RBFOX1: variants seen among roughly 807,000 people sequenced by gnomAD.
The protein encoded by RBFOX1 is RNA binding fox-1 homolog 1, also known as RNA binding protein fox-1 homolog 1.
A neutral mutation model predicts 57.7 loss-of-function variants in RBFOX1; 8 were observed. That is an observed-to-expected ratio of 0.14 (90% CI 0.08 to 0.25). RBFOX1 has a LOEUF of 0.25. Ranked by LOEUF, RBFOX1 falls within the 10% of genes least tolerant of loss-of-function variation. The pLI is 1.00. For synonymous variants in RBFOX1, 326 were observed against 222.4 expected (o/e 1.47, Z -4.15); for missense variants, 611 against 548.5 (o/e 1.11, Z -1.14).
At chr16:5,877,349 G>T (rs1331287662) in intron 4 of RBFOX1, among the ~76,000 whole-genome samples, 3 of 152,216 alleles carry the variant, frequency 2.0e-5, no homozygotes, top group African/African-American at 7.2e-5. Flanking sequence ...CAAGGAGCCT[G>T]TGATCTATGA....
intron 3 of RBFOX1, among the ~76,000 whole-genome samples, chr16:6,966,548 T>G (rs8044835): frequency 0.035 from 5,252 of 152,072 alleles, 319 homozygotes; most frequent in African/African-American, 0.12. Flanking sequence ...GATCGAGTTA[T>G]GCAATGTCTT....
At chr16:6,651,102 A>T (rs1197275927) in intron 2 of RBFOX1, among the ~76,000 whole-genome samples, 2 of 152,142 alleles carry the variant, frequency 1.3e-5, no homozygotes, top group African/African-American at 4.8e-5. Flanking sequence ...GAGTTTCACC[A>T]TATTAGCCAG....
At chr16:7,215,653 T>G (rs1031795588) in intron 4 of RBFOX1, among the ~76,000 whole-genome samples, 2 of 152,082 alleles carry the variant, frequency 1.3e-5, no homozygotes, top group African/African-American at 4.8e-5. Context: ...AGATTAGCAT[T>G]TCTTCCCCCA....
chr16:5,538,397 A>G (rs2044787069), intron 2 of RBFOX1, among the ~76,000 whole-genome samples: 1 of 147,574 alleles, frequency 6.8e-6, no homozygotes, highest in Non-Finnish European at 1.5e-5. Context: ...GGGACTATGC[A>G]TGCCATAATA....
At chr16:6,641,618 C>T (rs912719716) in intron 2 of RBFOX1, among the ~76,000 whole-genome samples, 1 of 151,656 alleles carries the variant, frequency 6.6e-6, no homozygotes. Flanking sequence ...GCCTGTAATC[C>T]CAGCTACTCA....
intron 1 of RBFOX1, among the ~76,000 whole-genome samples, chr16:6,249,178 A>G (rs2097586948): frequency 6.6e-6 from 1 of 152,152 alleles, no homozygotes; most frequent in African/African-American, 2.4e-5. Flanking sequence ...GCAAAGATCA[A>G]ATGCATGACC....
At chr16:6,857,460 A>G (rs867104804) in intron 3 of RBFOX1, among the ~76,000 whole-genome samples, 4 of 152,136 alleles carry the variant, frequency 2.6e-5, no homozygotes, top group Admixed American at 6.5e-5. Flanking sequence ...TTCTATTTAC[A>G]TGGTTTATTT....
intron 3 of RBFOX1, among the ~76,000 whole-genome samples, chr16:6,881,558 C>T (rs1047745015): frequency 3.3e-5 from 5 of 152,202 alleles, no homozygotes; most frequent in African/African-American, 9.7e-5. Context: ...CATGCATACT[C>T]CTCTTCCTGT....
At chr16:7,062,445 G>A (rs1053567336) in intron 4 of RBFOX1, among the ~76,000 whole-genome samples, 2 of 152,152 alleles carry the variant, frequency 1.3e-5, no homozygotes, top group East Asian at 3.9e-4. Flanking sequence ...ATGAATCATG[G>A]GTACAGCAAG....
At chr16:7,415,048 A>T (rs1184624525) in intron 4 of RBFOX1, among the ~76,000 whole-genome samples, 1 of 152,254 alleles carries the variant, frequency 6.6e-6, no homozygotes, top group Admixed American at 6.5e-5. Flanking sequence ...TCTATACTCT[A>T]CAGCCTCTGA....
chr16:6,018,259 C>T (rs1206118551), upstream of RBFOX1, among the ~76,000 whole-genome samples: 2 of 151,140 alleles, frequency 1.3e-5, no homozygotes, highest in Non-Finnish European at 2.9e-5. Context: ...CAGAGTTTCT[C>T]ACTCCAGTCC....
chr16:6,019,353 G>C lies in RBFOX1; in HGVS notation c.-766G>C, dbSNP rs1207678312. 1 of 985,590 alleles carries C rather than the reference G, an allele frequency of 1.0e-6. No homozygotes were observed. Among genetic ancestry groups the C allele is most frequent in the Non-Finnish European group, 1.2e-6 (1 of 830,182 alleles). 61.1% of individuals were successfully genotyped at this position (985,590 alleles called of 1,614,324 possible). A position where few individuals can be genotyped will look rare whatever the true frequency, so the allele number is the denominator to read the frequency against. On this transcript the variant is annotated 5_prime_UTR_variant, in exon 1 of 16. Coordinates refer to ENST00000550418, the MANE Select transcript of RBFOX1 (RefSeq NM_018723.4). The surrounding 1 kb of genome is among the most constrained non-coding windows in gnomAD (Gnocchi z 4.2). ...GCTGCCGCCGCCTCCTCCAGCCAGA[G>C]TCGGTGGGACTGGCTGCGCTGCCCT...
chr16:7,341,967 T>A (rs1385216234), intron 4 of RBFOX1, among the ~76,000 whole-genome samples: 1 of 152,078 alleles, frequency 6.6e-6, no homozygotes, highest in Admixed American at 6.5e-5. Flanking sequence ...CCTTCTCTTC[T>A]GCTCTTTAAT....
At chr16:7,324,304 A>C (rs1227051676) in intron 4 of RBFOX1, among the ~76,000 whole-genome samples, 3 of 152,298 alleles carry the variant, frequency 2.0e-5, no homozygotes, top group East Asian at 3.9e-4. Context: ...ATTAGTACAA[A>C]AATCCTCATT....
At position 6,763,689 on chromosome 16, in the gene RBFOX1, G is replaced by A. The variant is rs117107479; in HGVS notation, c.-16+109039G>A. On this transcript the variant is annotated intron_variant, in intron 3 of 15. Coordinates refer to ENST00000550418, the MANE Select transcript of RBFOX1 (RefSeq NM_018723.4). ...GTATCGGGTCTGTTTTAGGATTTAC[G>A]TTTTTATTAGAATGTTTGCCCCTTT... Among the ~76,000 whole-genome samples, 936 of 152,208 alleles carry A rather than the reference G, an allele frequency of 6.1e-3. 3 individuals carry two copies. The highest frequency in any genetic ancestry group is 9.6e-3 in the Non-Finnish European group (655 of 68,006).
At chr16:6,845,525 T>C (rs540982789) in intron 3 of RBFOX1, among the ~76,000 whole-genome samples, 1 of 152,312 alleles carries the variant, frequency 6.6e-6, no homozygotes, top group African/African-American at 2.4e-5. Context: ...CTGTGTTCTG[T>C]TCCGTTGGTC....
At chr16:6,357,873 C>A (rs189873911) in intron 2 of RBFOX1, among the ~76,000 whole-genome samples, 72 of 151,842 alleles carry the variant, frequency 4.7e-4, no homozygotes, top group Middle Eastern at 3.4e-3. Flanking sequence ...ATTGCTTGAA[C>A]CCTGGAGGTG....
At chr16:7,159,287 G>C (rs79631617) in intron 4 of RBFOX1, among the ~76,000 whole-genome samples, 1 of 110,448 alleles carries the variant, frequency 9.1e-6, no homozygotes, top group African/African-American at 3.9e-5. Flanking sequence ...CTGAGCAGGA[G>C]AGGGTGCCAT....
intron 4 of RBFOX1, among the ~76,000 whole-genome samples, chr16:7,157,319 A>C (rs770856372): frequency 6.6e-6 from 1 of 152,224 alleles, no homozygotes; most frequent in Non-Finnish European, 1.5e-5. Context: ...AGGACAAACT[A>C]TCACAGAAAA....
Sources: allele counts gnomAD v4.1 joint callset (sites outside exome capture counted in the v4.1 genomes callset), GRCh38; gene constraint gnomAD v4.1.1; non-coding constraint Gnocchi (gnomAD v3.1); transcripts MANE v1.5; gene names NCBI Gene and HGNC (gene_info 2026-07-23, HGNC 2026-07-21).